The following ACO2 variants were observed in gnomAD, a reference collection of about 807,000 sequenced individuals.
ACO2 encodes aconitate hydratase, mitochondrial.
Under a neutral mutation model 84.5 loss-of-function variants are expected in ACO2, and 31 were observed. That is an observed-to-expected ratio of 0.37 (90% confidence interval 0.28 to 0.50). The LOEUF is 0.50. Ranked by LOEUF, ACO2 falls within the 20% of genes least tolerant of loss-of-function variation. ACO2 has a pLI of 0.97. For missense variants in ACO2, 685 were observed against 1,029.3 expected, an observed-to-expected ratio of 0.67 and a Z score of 4.58; for synonymous variants, 414 against 412.7, an observed-to-expected ratio of 1.00 and a Z score of -0.04.
chr22:41,509,240 A>G (rs1021600939), intron 3 of ACO2, among the ~76,000 whole-genome samples: 2 of 152,148 alleles, frequency 1.3e-5, no homozygotes, highest in African/African-American at 4.8e-5. Flanking sequence ...TTATGGGCTC[A>G]GAGTGAATCT....
intron 1 of ACO2, among the ~76,000 whole-genome samples, chr22:41,487,821 G>A (rs149424133): frequency 7.8e-4 from 118 of 152,174 alleles, no homozygotes; most frequent in South Asian, 1.7e-3. Context: ...ATCTCACCGT[G>A]CATGCCTGCT....
chr22:41,524,065 T>C, intron 12 of ACO2, 124 bp downstream of exon 12: 4 of 784,340 alleles, frequency 5.1e-6, no homozygotes, highest in Non-Finnish European at 8.5e-6. Flanking sequence ...CTACAGGCCT[T>C]CCCAGCCTCA....
At position 41,515,312 on chromosome 22, in the gene ACO2, TG is replaced by T; in HGVS notation, c.526-61del. 6.3e-7 allele frequency: 1 copy of T among 1,592,898 alleles called. No homozygotes were observed. The highest frequency in any genetic ancestry group is 8.6e-7 in the Non-Finnish European group (1 of 1,163,430). Reference sequence around the variant, plus strand: ...ACGTGGTTGGGAGGCCCCGGGTCAGTGGGGCCATTTTTTGGTATTCTCGGCT... The same window carrying T: ...ACGTGGTTGGGAGGCCCCGGGTCAGTGGGCCATTTTTTGGTATTCTCGGCT... On this transcript the variant is annotated intron_variant, in intron 4 of 17. Coordinates refer to ENST00000216254, the MANE Select transcript of ACO2 (RefSeq NM_001098.3). This position sits in a 1 kb window ranked among gnomAD's most constrained non-coding sequence, Gnocchi z 5.8.
At chr22:41,519,588 G>A (rs1303240738) in intron 8 of ACO2, among the ~76,000 whole-genome samples, 1 of 152,084 alleles carries the variant, frequency 6.6e-6, no homozygotes, top group African/African-American at 2.4e-5. Context: ...GGCAGATCAT[G>A]AGGTCAGGAG....
chr22:41,469,632 T>C (rs1386564895), intron 1 of ACO2: 1 of 163,418 alleles, frequency 6.1e-6, no homozygotes, highest in Admixed American at 6.4e-5. Context: ...AGGCCTGGAG[T>C]CTGGAGAAGA....
chr22:41,526,426 C>T lies in ACO2; in HGVS notation c.1926C>T (p.Pro642=), dbSNP rs150391290. ...ATGCCGTCACTCAGGAGTTTGGCCC[C>T]GTCCCTGACACTGCCCGCTACTACA... ...VRNAVTQEFG[P]VPDTARYYKK... The change falls in exon 15 of 18, where the codon CCC becomes CCT. Residue 642 remains proline, a synonymous_variant. Transcript: ENST00000216254. 2.7e-5 allele frequency: 43 copies of T among 1,613,508 alleles called. No homozygotes were observed. Among genetic ancestry groups the T allele is most frequent in the Middle Eastern group, 1.7e-4 (1 of 5,842 alleles).
intron 1 of ACO2, among the ~76,000 whole-genome samples, chr22:41,491,474 A>G (rs2066270790): frequency 6.6e-6 from 1 of 152,332 alleles, no homozygotes; most frequent in Non-Finnish European, 1.5e-5. Flanking sequence ...AAGGAGGAAC[A>G]GTGCAGAGCA....
Position 41,507,782 on chromosome 22 carries a change from T to C in ACO2, c.174-9T>C. ...GCACCAGGCCACCCTTCTGCTCTTC[T>C]CCCCACAGACTGAACCGGCCGCTGA... On this transcript the variant is annotated splice_polypyrimidine_tract_variant and intron_variant, in intron 2 of 17. Transcript: ENST00000216254. 3 of 1,611,450 alleles carry C rather than the reference T, an allele frequency of 1.9e-6. No individual in the cohort carries two copies. The highest frequency in any genetic ancestry group is 2.5e-6 in the Non-Finnish European group (3 of 1,178,308).
At chr22:41,511,204 G>A (rs988686622) in intron 3 of ACO2, among the ~76,000 whole-genome samples, 5 of 152,090 alleles carry the variant, frequency 3.3e-5, no homozygotes, top group Non-Finnish European at 5.9e-5. Context: ...AGACAGTCTC[G>A]CTCTGTCTTG....
At chr22:41,469,250 G>A in intron 1 of ACO2, 68 bp downstream of exon 1, 1 of 1,544,134 alleles carries the variant, frequency 6.5e-7, no homozygotes, top group Non-Finnish European at 8.8e-7. Flanking sequence ...GCGGCTGTGG[G>A]CGAGGCAGGG....
intron 1 of ACO2, among the ~76,000 whole-genome samples, chr22:41,489,344 C>T (rs1232461186): frequency 6.6e-6 from 1 of 152,122 alleles, no homozygotes; most frequent in South Asian, 2.1e-4. Context: ...CTGCACTGGC[C>T]AAATAATAAT....
At position 41,469,161 on chromosome 22, in the gene ACO2, C is replaced by T; in HGVS notation, c.15C>T (p.Ser5=). Residue 5 remains serine, a synonymous_variant, in exon 1 of 18, where the codon AGC becomes AGT. Transcript: ENST00000216254. ...CAGTGCACAAAATGGCGCCCTACAG[C>T]CTACTGGTGACTCGGCTGCAGGTGA... is the stretch of plus-strand genomic sequence containing the variant. MAPY[S]LLVTRLQKAL... The T allele has an allele frequency of 1.2e-6, 2 of 1,609,890 alleles. No individual in the cohort carries two copies. The highest frequency in any genetic ancestry group is 1.3e-5 in the African/African-American group (1 of 74,738).
chr22:41,492,939 C>T (rs143511015), intron 1 of ACO2, among the ~76,000 whole-genome samples: 1 of 152,072 alleles, frequency 6.6e-6, no homozygotes, highest in East Asian at 1.9e-4. Context: ...TGTGAAACTC[C>T]GTCTCAAAAA....
Position 41,524,836 on chromosome 22 carries a change from T to G in ACO2, c.1483-10T>G. 1.9e-6 allele frequency: 3 copies of G among 1,614,152 alleles called. No individual in the cohort carries two copies. The highest frequency in any genetic ancestry group is 2.2e-5 in the East Asian group (1 of 44,886). On this transcript the variant is annotated splice_polypyrimidine_tract_variant and intron_variant, in intron 12 of 17. Coordinates refer to ENST00000216254, the MANE Select transcript of ACO2 (RefSeq NM_001098.3). ...GGTGCTGACCAACAAACTGGCCACC[T>G]CCATTTCAGATTGTCACAGCCCTGG...
chr22:41,506,149 G>A lies in ACO2; in HGVS notation c.174-1642G>A, dbSNP rs1161313229. Among the ~76,000 whole-genome samples the A allele has an allele frequency of 2.6e-5, 4 of 151,840 alleles. No individual in the cohort carries two copies. In the East Asian group the frequency reaches 7.7e-4, roughly 29 times the overall value. On this transcript the variant is annotated intron_variant, in intron 2 of 17. Transcript: ENST00000216254. Reference sequence around the variant, plus strand: ...GTTGCTCAAGCTGGAGTGCAGTGATGTGATCAGGGCTCACTGCAGCCTTGA... The same window carrying A: ...GTTGCTCAAGCTGGAGTGCAGTGATATGATCAGGGCTCACTGCAGCCTTGA...
In ACO2 at chr22:41,528,542, T is replaced by C; in HGVS notation, c.2272T>C (p.Phe758Leu). 6.2e-7 allele frequency: 1 copy of C among 1,613,182 alleles called. No individual in the cohort carries two copies. Among genetic ancestry groups the C allele is most frequent in the South Asian group, 1.1e-5 (1 of 91,032 alleles). ...GGAGACCATCCTCCTGAACCACACC[T>C]TCAACGAGACGCAGATTGAGTGGTT... ...TQETILLNHT[F>L]NETQIEWFRA... Residue 758 changes from phenylalanine to leucine, a missense_variant, in exon 18 of 18, where the codon TTC becomes CTC. Phe to Leu is a conservative substitution (Grantham distance 22). Transcript: ENST00000216254.
chr22:41,526,066 A>G, intron 14 of ACO2, 196 bp from the exon 15 acceptor site: 1 of 542,544 alleles, frequency 1.8e-6, no homozygotes. Flanking sequence ...TGAGGGGATG[A>G]AGGCCTGGCC....
rs984620948 is a variant in ACO2 at position 41,494,926 on chromosome 22, G to A, written c.37-4800G>A. On this transcript the variant is annotated intron_variant, in intron 1 of 17. Coordinates refer to ENST00000216254, the MANE Select transcript of ACO2 (RefSeq NM_001098.3). Reference sequence around the variant, plus strand: ...TTTTTGTATTTTTAATAGAGATGGGGTTTTACCATGTTGGCCAGGCTGGTC... The same window carrying A: ...TTTTTGTATTTTTAATAGAGATGGGATTTTACCATGTTGGCCAGGCTGGTC... 3.3e-5 allele frequency among the ~76,000 whole-genome samples: 5 copies of A among 151,976 alleles called. No homozygotes were observed. In the East Asian group the frequency reaches 9.7e-4, roughly 29 times the overall value.
chr22:41,515,966 A>T lies in ACO2; in HGVS notation c.835+49A>T, dbSNP rs751548035. ...TGGCCCCTACCCTGTGCTGGGCCTGATGGGTCTCCAGTTGGGAGTAGAAGC... is the reference window on the plus strand; with the variant it reads ...TGGCCCCTACCCTGTGCTGGGCCTGTTGGGTCTCCAGTTGGGAGTAGAAGC... On this transcript the variant is annotated intron_variant, in intron 6 of 17. Coordinates refer to ENST00000216254, the MANE Select transcript of ACO2 (RefSeq NM_001098.3). This position sits in a 1 kb window ranked among gnomAD's most constrained non-coding sequence, Gnocchi z 5.8. 1.9e-6 allele frequency: 3 copies of T among 1,586,694 alleles called. No individual in the cohort carries two copies. The highest frequency in any genetic ancestry group is 2.6e-6 in the Non-Finnish European group (3 of 1,165,852).
Sources: gnomAD v4.1 joint callset for allele counts (sites outside exome capture counted in the v4.1 genomes callset) on GRCh38, gnomAD v4.1.1 for gene constraint, Gnocchi (gnomAD v3.1) non-coding constraint, MANE v1.5 for transcripts, NCBI Gene and HGNC (gene_info 2026-07-23, HGNC 2026-07-21) for gene names.